Variants in KIF21A observed in about 807,000 individuals in gnomAD.
KIF21A encodes the protein kinesin family member 21A.
Under a neutral mutation model 202.9 loss-of-function variants are expected in KIF21A, and 114 were observed. The ratio of observed to expected loss-of-function variants is 0.56; its 90% CI spans 0.48 to 0.66. KIF21A has a LOEUF of 0.66. Ranked by LOEUF, KIF21A falls within the 30% of genes least tolerant of loss-of-function variation. The pLI, the probability that KIF21A is intolerant of heterozygous loss-of-function variation, is 0.00. For synonymous variants in KIF21A, 667 were observed against 670.8 expected (o/e 0.99, Z 0.09); for missense variants, 1,677 against 1,994.9 (o/e 0.84, Z 3.04).
intron 17 of KIF21A, among the ~76,000 whole-genome samples, chr12:39,335,410 C>CAAAAAAAAAAAAAAAAAAAAAAAAAAAAA (rs1033088626): frequency 1.6e-5 from 1 of 61,966 alleles, no homozygotes. Flanking sequence ...GACTCTGTCT[C>CAAAAAAAAAAAAAAAAAAAAAAAAAAAAA]AAAAAAAAAA....
At chr12:39,305,917 CAT>C (rs1410348149) in intron 34 of KIF21A, among the ~76,000 whole-genome samples, 1 of 152,138 alleles carries the variant, frequency 6.6e-6, no homozygotes, top group African/African-American at 2.4e-5. Context: ...CATATATACA[CAT>C]ATATGCACAT....
intron 1 of KIF21A, among the ~76,000 whole-genome samples, chr12:39,371,643 T>C (rs1949961905): frequency 6.6e-6 from 1 of 151,824 alleles, no homozygotes; most frequent in Non-Finnish European, 1.5e-5. Flanking sequence ...CAACCACAGA[T>C]GAAAAATATA....
At chr12:39,345,834 C>G (rs548218009) in intron 12 of KIF21A, among the ~76,000 whole-genome samples, 1 of 151,756 alleles carries the variant, frequency 6.6e-6, no homozygotes. Context: ...AAATTTTGCT[C>G]GTTTCAAATG....
chr12:39,360,876 TTTTTC>T (rs1307657023), intron 7 of KIF21A, among the ~76,000 whole-genome samples: 8 of 152,230 alleles, frequency 5.3e-5, no homozygotes, highest in African/African-American at 1.9e-4. Context: ...CTTGGTCTAA[TTTTTC>T]TTTTAAGTTT....
Position 39,315,948 on chromosome 12 carries a change from G to C in KIF21A, c.3931C>G (p.Leu1311Val), listed in dbSNP as rs1944493117. Residue 1311 changes from leucine to valine, a missense_variant, in exon 30 of 38, where the codon CTC becomes GTC. Leu to Val is a conservative substitution (Grantham distance 32). Coordinates refer to ENST00000361418, the MANE Select transcript of KIF21A (RefSeq NM_001173464.2). ...AGAAAGTACCTGTGTACCTCCGAGA[G>C]AGAGGAGTCACTTTCATCAGACCTA... The part of the protein sequence containing the change: ...QDKSDESDSS[L>V]SEVHRSSRRG... 1 of 1,605,884 alleles carries C rather than the reference G, an allele frequency of 6.2e-7. No homozygotes were observed. Among genetic ancestry groups the C allele is most frequent in the Admixed American group, 1.7e-5 (1 of 59,974 alleles).
At chr12:39,353,896 C>A (rs988296300) in intron 10 of KIF21A, among the ~76,000 whole-genome samples, 2 of 151,952 alleles carry the variant, frequency 1.3e-5, no homozygotes, top group Non-Finnish European at 1.5e-5. Context: ...ACTCACCCAC[C>A]CACTTGGTAC....
chr12:39,354,162 G>T (rs1948603176), intron 10 of KIF21A, among the ~76,000 whole-genome samples: 1 of 152,106 alleles, frequency 6.6e-6, no homozygotes, highest in Admixed American at 6.6e-5. Flanking sequence ...TTAAAAAATA[G>T]TAAGTATTCT....
At chr12:39,416,440 AC>A (rs1455706917) in intron 1 of KIF21A, among the ~76,000 whole-genome samples, 2 of 151,776 alleles carry the variant, frequency 1.3e-5, no homozygotes, top group Non-Finnish European at 2.9e-5. Flanking sequence ...CACTAAAAAT[AC>A]AAAAATTAGC....
intron 6 of KIF21A, among the ~76,000 whole-genome samples, chr12:39,365,049 C>A (rs1226909606): frequency 2.0e-5 from 3 of 152,120 alleles, no homozygotes. Flanking sequence ...CAGCTGACAC[C>A]ATGCAGACTG....
intron 1 of KIF21A, among the ~76,000 whole-genome samples, chr12:39,437,440 G>A (rs1938966789): frequency 6.6e-6 from 1 of 152,076 alleles, no homozygotes; most frequent in Non-Finnish European, 1.5e-5. Context: ...ATTATCTGCT[G>A]GCTTTTCAGT....
intron 1 of KIF21A, among the ~76,000 whole-genome samples, chr12:39,401,590 C>T (rs1036018068): frequency 6.6e-6 from 1 of 152,100 alleles, no homozygotes; most frequent in Non-Finnish European, 1.5e-5. Context: ...CTTACTGAGG[C>T]AAAATCACAG....
chr12:39,382,907 C>T (rs1389124354), intron 1 of KIF21A, among the ~76,000 whole-genome samples: 1 of 152,176 alleles, frequency 6.6e-6, no homozygotes, highest in African/African-American at 2.4e-5. Flanking sequence ...TTTTAGAAAG[C>T]TAGCCGAATG....
chr12:39,320,146 T>A, intron 27 of KIF21A, 133 bp from the exon 28 acceptor site: 1 of 614,684 alleles, frequency 1.6e-6, no homozygotes, highest in Non-Finnish European at 2.9e-6. Flanking sequence ...GAACAAAAAA[T>A]AAAACTAACA....
chr12:39,391,563 C>T (rs1022553645), intron 1 of KIF21A, among the ~76,000 whole-genome samples: 2 of 151,922 alleles, frequency 1.3e-5, no homozygotes, highest in Admixed American at 1.3e-4. Context: ...CATAGGAAGA[C>T]CCTGTCTCAA....
intron 17 of KIF21A, 31 bp from the exon 18 acceptor site, chr12:39,333,311 G>A: frequency 1.4e-6 from 2 of 1,397,424 alleles, no homozygotes; most frequent in Non-Finnish European, 2.0e-6. Flanking sequence ...AGTGGAAATA[G>A]TAAAGTGAAA....
chr12:39,305,360 C>T (rs918902194), intron 34 of KIF21A, among the ~76,000 whole-genome samples: 8 of 131,116 alleles, frequency 6.1e-5, no homozygotes, highest in Non-Finnish European at 9.3e-5. Context: ...AGCGAGAATC[C>T]GACTCAAGAA....
intron 35 of KIF21A, 97 bp from the exon 36 acceptor site, chr12:39,303,232 A>G (rs2137159037): frequency 3.1e-6 from 3 of 968,604 alleles, no homozygotes; most frequent in Middle Eastern, 5.0e-4. Flanking sequence ...TATGTTAATC[A>G]GACATGACTT....
At chr12:39,308,465 C>G (rs550442758) in intron 33 of KIF21A, among the ~76,000 whole-genome samples, 1 of 152,098 alleles carries the variant, frequency 6.6e-6, no homozygotes, top group African/African-American at 2.4e-5. Context: ...AGCACCACCC[C>G]ACTCCACCCA....
intron 1 of KIF21A, among the ~76,000 whole-genome samples, chr12:39,431,994 T>C (rs1043743478): frequency 1.3e-5 from 2 of 152,210 alleles, no homozygotes; most frequent in Non-Finnish European, 2.9e-5. Flanking sequence ...AAATCTGCAA[T>C]CTCATGTTTA....
Sources: allele counts gnomAD v4.1 joint callset (sites outside exome capture counted in the v4.1 genomes callset), GRCh38; gene constraint gnomAD v4.1.1; transcripts MANE v1.5; gene names NCBI Gene and HGNC (gene_info 2026-07-23, HGNC 2026-07-21).